The following RSRP1 variants were observed in gnomAD, a reference collection of about 807,000 sequenced individuals.
RSRP1 encodes arginine/serine-rich protein 1.
In RSRP1, 37 loss-of-function variants were observed where a neutral mutation model predicts 33.0. The ratio of observed to expected loss-of-function variants is 1.12; its 90% CI spans 0.86 to 1.48. RSRP1 has a LOEUF of 1.48. Ranked by LOEUF, RSRP1 falls within the 40% of genes most tolerant of loss-of-function variation. RSRP1 has a pLI of 0.00. For synonymous variants in RSRP1, 167 were observed against 158.7 expected, an observed-to-expected ratio of 1.05 and a Z score of -0.40; for missense variants, 402 against 385.3, an observed-to-expected ratio of 1.04 and a Z score of -0.36.
At chr1:25,333,894 G>T (rs1382828283) in intron 1 of RSRP1, among the ~76,000 whole-genome samples, 5 of 129,934 alleles carry the variant, frequency 3.8e-5, no homozygotes, top group African/African-American at 1.3e-4. Flanking sequence ...CTGTCCCCAT[G>T]ATTCAGTTAC....
intron 1 of RSRP1, among the ~76,000 whole-genome samples, chr1:25,256,528 C>A (rs1299535690): frequency 6.6e-6 from 1 of 152,172 alleles, no homozygotes; most frequent in East Asian, 1.9e-4. Context: ...GTGATCATGG[C>A]TCACTACAGC....
chr1:25,292,725 G>C (rs1642622149), intron 1 of RSRP1, among the ~76,000 whole-genome samples: 1 of 126,868 alleles, frequency 7.9e-6, no homozygotes, highest in South Asian at 2.5e-4. Flanking sequence ...CTGAAGCTTA[G>C]TGGAAAGGTT....
chr1:25,299,246 G>A (rs1643192467), intron 1 of RSRP1, among the ~76,000 whole-genome samples: 1 of 129,322 alleles, frequency 7.7e-6, no homozygotes, highest in African/African-American at 2.7e-5. Flanking sequence ...GCCGGGCACG[G>A]TGGTGGGTGC....
intron 1 of RSRP1, chr1:25,304,517 G>C (rs928139615): frequency 3.1e-5 from 4 of 129,032 alleles, no homozygotes; most frequent in African/African-American, 1.1e-4. Context: ...AGAATCACTT[G>C]AACCTGGGAG....
chr1:25,282,720 T>C (rs1336350107), intron 1 of RSRP1, among the ~76,000 whole-genome samples: 1 of 128,876 alleles, frequency 7.8e-6, no homozygotes, highest in African/African-American at 2.6e-5. Context: ...AGGTCAGGAG[T>C]TCGAGACCAG....
At chr1:25,249,050 G>C (rs113258929), upstream of RSRP1, among the ~76,000 whole-genome samples, 6,438 of 152,238 alleles carry the variant, frequency 0.042, 496 homozygotes, top group African/African-American at 0.15. Context: ...TCGGGAGGCT[G>C]AGGCAGGAGA....
rs1329663048 is a variant in RSRP1, at chr1:25,314,629, G to A, written c.-67+23349C>T. On this transcript the variant is annotated intron_variant, in intron 1 of 1. Coordinates refer to the RSRP1 transcript ENST00000561867. ...ATACTTCATCCTCCTGAGTAGCTTA[G>A]ATTACAGGCGCATGCCACCATGCCC... 2.3e-5 allele frequency among the ~76,000 whole-genome samples: 3 copies of A among 132,446 alleles called. 1 individual carries two copies. The highest frequency in any genetic ancestry group is 7.4e-5 in the Admixed American group (1 of 13,594). 86.9% of individuals were successfully genotyped at this position (132,446 alleles called of 152,430 possible). A position where few individuals can be genotyped will look rare whatever the true frequency, so the allele number is the denominator to read the frequency against.
intron 1 of RSRP1, among the ~76,000 whole-genome samples, chr1:25,312,901 T>C (rs1425595830): frequency 7.6e-5 from 3 of 39,522 alleles, no homozygotes; most frequent in Non-Finnish European, 1.1e-4. Context: ...GCCTGGATGA[T>C]AGAGCAAAAT....
Position 25,333,602 on chromosome 1 carries a change from G to A in RSRP1, c.-67+4376C>T, listed in dbSNP as rs375687610. 8.4e-5 allele frequency among the ~76,000 whole-genome samples: 11 copies of A among 130,806 alleles called. 1 individual carries two copies. Among genetic ancestry groups the A allele is most frequent in the South Asian group, 2.3e-4 (1 of 4,314 alleles). The allele number at this position is 130,806 out of a possible 152,430, so 85.8% of individuals were successfully genotyped here. On this transcript the variant is annotated intron_variant, in intron 1 of 1. Coordinates refer to the RSRP1 transcript ENST00000561867. ...GGCCTGGCCAGGAGCTAGAGCATGA[G>A]GATCTCGTAGGATTTTATTCTGCAA...
chr1:25,243,590 T>C lies in RSRP1; in HGVS notation c.716A>G (p.Glu239Gly), dbSNP rs1043879. ...TATGCTTCTTTGCTGGGTAGGTTTT[T>C]CATTGGGATTTCGAGTTCCATCTTC... is the stretch of plus-strand genomic sequence containing the variant. ...VTEDGTRNPNEKPTQQRSIAF... is the reference protein window; with the variant it reads ...VTEDGTRNPNGKPTQQRSIAF... The change falls in exon 4 of 5, where the codon GAA (glutamate) becomes GGA (glycine). Residue 239 changes from glutamate to glycine, a missense_variant. Physicochemically the swap from Glu to Gly is moderately conservative, Grantham distance 98. Coordinates refer to ENST00000243189, the MANE Select transcript of RSRP1 (RefSeq NM_020317.5). 369,846 of 1,613,258 alleles carry C rather than the reference T, an allele frequency of 0.23. 47,036 individuals are homozygous for C. Among genetic ancestry groups the C allele is most frequent in the Middle Eastern group, 0.35 (2,108 of 6,050 alleles).
rs746498767 is a variant in RSRP1, at chr1:25,300,943, C to G, written c.-67+37035G>C. 4.4e-6 allele frequency: 6 copies of G among 1,377,894 alleles called. 1 individual carries two copies. In the Admixed American group the frequency reaches 1.1e-4, roughly 24 times the overall value. The allele number at this position is 1,377,894 out of a possible 1,614,324, so 85.4% of individuals were successfully genotyped here. ...TCACTGCTCTTACTGGGTTTTATTG[C>G]AGACAGACTACCACATGAACATGAT... is the stretch of plus-strand genomic sequence containing the variant. On this transcript the variant is annotated intron_variant, in intron 1 of 1. Coordinates refer to the RSRP1 transcript ENST00000561867.
Position 25,308,001 on chromosome 1 carries a change from C to T in RSRP1, c.-67+29977G>A, listed in dbSNP as rs1448146443. On this transcript the variant is annotated intron_variant, in intron 1 of 1. Transcript: ENST00000561867. Reference sequence around the variant, plus strand: ...GAGGACTTGACCTAGCAAGGTCCTACTCACATGCCTGTAGAGAACAGGCAG... The same window carrying T: ...GAGGACTTGACCTAGCAAGGTCCTATTCACATGCCTGTAGAGAACAGGCAG... 2.6e-5 allele frequency among the ~76,000 whole-genome samples: 3 copies of T among 113,486 alleles called. 1 individual carries two copies. The highest frequency in any genetic ancestry group is 6.2e-5 in the Non-Finnish European group (3 of 48,146). The allele number at this position is 113,486 out of a possible 152,430, so 74.5% of individuals were successfully genotyped here. A position where few individuals can be genotyped will look rare whatever the true frequency, so the allele number is the denominator to read the frequency against.
chr1:25,246,635 C>T lies in RSRP1; in HGVS notation c.329G>A (p.Arg110Gln), dbSNP rs759761214. ...CCTGCTACGGGACCGGGACCGGTAC[C>T]GCGAAGGAGACCGGTAGTATCTCCT... ...FTRRYYRSPS[R>Q]YRSRSRSRSR... Residue 110 changes from arginine to glutamine, a missense_variant, in exon 2 of 5, where the codon CGG (arginine) becomes CAG (glutamine). Arg to Gln is a conservative substitution (Grantham distance 43, BLOSUM62 1). Coordinates refer to ENST00000243189, the MANE Select transcript of RSRP1 (RefSeq NM_020317.5). 18 of 1,613,962 alleles carry T rather than the reference C, an allele frequency of 1.1e-5. No individual in the cohort carries two copies. In the Admixed American group the frequency reaches 1.2e-4, roughly 10 times the overall value.
chr1:25,282,379 C>T lies in RSRP1; in HGVS notation c.-66-35350G>A, dbSNP rs1490832726. On this transcript the variant is annotated intron_variant, in intron 1 of 1. Coordinates refer to the RSRP1 transcript ENST00000561867. ...TCCCGAGTAGCTGGGATTACAGGTGCCCACCACCACATCCAGCTAATTTTT... is the reference window on the plus strand; with the variant it reads ...TCCCGAGTAGCTGGGATTACAGGTGTCCACCACCACATCCAGCTAATTTTT... Among the ~76,000 whole-genome samples the T allele has an allele frequency of 9.2e-5, 12 of 130,984 alleles. 2 individuals are homozygous for T. Among genetic ancestry groups the T allele is most frequent in the Admixed American group, 6.7e-4 (9 of 13,402 alleles). The allele number at this position is 130,984 out of a possible 152,430, so 85.9% of individuals were successfully genotyped here.
At chr1:25,263,934 G>C (rs1205469327) in intron 1 of RSRP1, among the ~76,000 whole-genome samples, 1 of 152,040 alleles carries the variant, frequency 6.6e-6, no homozygotes, top group Non-Finnish European at 1.5e-5. Context: ...AGGCCCATGA[G>C]AGTCCAAAAT....
In RSRP1 at chr1:25,331,072, A is replaced by G. The variant is rs1644996671; in HGVS notation, c.-67+6906T>C. Among the ~76,000 whole-genome samples, 3 of 116,696 alleles carry G rather than the reference A, an allele frequency of 2.6e-5. No individual in the cohort carries two copies. The Admixed American group carries it at 2.8e-4, about 11-fold the overall frequency. The allele number at this position is 116,696 out of a possible 152,430, so 76.6% of individuals were successfully genotyped here. On this transcript the variant is annotated intron_variant, in intron 1 of 1. Coordinates refer to the RSRP1 transcript ENST00000561867. ...AACCTCTGCCTCCCAGGTTCAAGCA[A>G]TTCTCCTGCCTCAGCCTCCCAAGTA...
Position 25,255,844 on chromosome 1 carries a change from C to T in RSRP1, c.-66-8815G>A, listed in dbSNP as rs138653137. ...TCGCTCCTGTGGGAATCTAATGCTG[C>T]GGCTGATCTGACGAGAGGTGGAGCT... On this transcript the variant is annotated intron_variant, in intron 1 of 1. Transcript: ENST00000561867. 3.3e-5 allele frequency among the ~76,000 whole-genome samples: 5 copies of T among 152,102 alleles called. No individual in the cohort carries two copies. In the East Asian group the frequency reaches 9.7e-4, roughly 29 times the overall value.
intron 1 of RSRP1, among the ~76,000 whole-genome samples, chr1:25,259,677 A>AT (rs965524246): frequency 6.7e-6 from 1 of 150,296 alleles, no homozygotes; most frequent in Non-Finnish European, 1.5e-5. Context: ...TAATTTTTGC[A>AT]TTTTTACTAG....
intron 1 of RSRP1, among the ~76,000 whole-genome samples, chr1:25,314,705 C>T (rs1450203658): frequency 7.6e-6 from 1 of 131,132 alleles, no homozygotes; most frequent in Non-Finnish European, 1.8e-5. Flanking sequence ...AGGGTTTTGC[C>T]ATGTTGGACA....
Sources: allele counts gnomAD v4.1 joint callset (sites outside exome capture counted in the v4.1 genomes callset), GRCh38; gene constraint gnomAD v4.1.1; transcripts MANE v1.5; gene names NCBI Gene and HGNC (gene_info 2026-07-23, HGNC 2026-07-21).